The following TMEM132B variants were observed in gnomAD, a reference collection of about 807,000 sequenced individuals.
TMEM132B encodes transmembrane protein 132B.
In TMEM132B, 18 loss-of-function variants were observed where a neutral mutation model predicts 90.8. That is an observed-to-expected ratio of 0.20 (90% CI 0.14 to 0.29). TMEM132B has a LOEUF of 0.29. Among genes scored for constraint, TMEM132B ranks in the 10% least tolerant of loss-of-function variants. The pLI, the probability that TMEM132B is intolerant of heterozygous loss-of-function variation, is 1.00. For missense variants in TMEM132B, 1,096 were observed against 1,326.8 expected (o/e 0.83, Z 2.70); for synonymous variants, 504 against 523.3 (o/e 0.96, Z 0.50).
chr12:125,609,239 G>C (rs1885767819), intron 5 of TMEM132B, among the ~76,000 whole-genome samples: 1 of 152,094 alleles, frequency 6.6e-6, no homozygotes, highest in Admixed American at 6.5e-5. Flanking sequence ...AACCATATCA[G>C]ACCAAAAATG....
rs573158771 is a variant in TMEM132B at position 125,438,497 on chromosome 12, T to TA, written c.1106+22827dup. Among the ~76,000 whole-genome samples, 3 of 152,338 alleles carry TA rather than the reference T, an allele frequency of 2.0e-5. No individual in the cohort carries two copies. In the South Asian group the frequency reaches 6.2e-4, roughly 32 times the overall value. On this transcript the variant is annotated intron_variant, in intron 3 of 8. Coordinates refer to ENST00000682704, the MANE Select transcript of TMEM132B (RefSeq NM_001366854.1). ...AGGGACAAGTTGTTTTTCTTTTCTT[T>TA]AAAAAAAGTTAAGAGCTATTTCAAG...
chr12:125,383,979 C>T (rs1482658656), intron 2 of TMEM132B, among the ~76,000 whole-genome samples: 1 of 152,170 alleles, frequency 6.6e-6, no homozygotes, highest in African/African-American at 2.4e-5. Flanking sequence ...TGGAGTCTCA[C>T]TCCATCACCC....
At chr12:125,384,979 C>G (rs1000159876) in intron 2 of TMEM132B, among the ~76,000 whole-genome samples, 2 of 152,154 alleles carry the variant, frequency 1.3e-5, no homozygotes, top group Non-Finnish European at 2.9e-5. Flanking sequence ...CAACACCTCT[C>G]CTTTCCCCAT....
chr12:125,463,395 T>C (rs979234914), intron 3 of TMEM132B, among the ~76,000 whole-genome samples: 3 of 152,226 alleles, frequency 2.0e-5, no homozygotes, highest in Non-Finnish European at 2.9e-5. Flanking sequence ...TAGAATTTCT[T>C]CTCCCTAAGC....
intron 5 of TMEM132B, among the ~76,000 whole-genome samples, chr12:125,636,056 C>T (rs1886471656): frequency 6.6e-6 from 1 of 152,190 alleles, no homozygotes; most frequent in Middle Eastern, 3.4e-3. Context: ...TTCGAGACTC[C>T]CTTTTCTACC....
rs181909408 is a variant in TMEM132B at position 125,353,823 on chromosome 12, G to A, written c.959+3480G>A. Among the ~76,000 whole-genome samples, 1,145 of 152,320 alleles carry A rather than the reference G, an allele frequency of 7.5e-3. 7 individuals are homozygous for A. Among genetic ancestry groups the A allele is most frequent in the Non-Finnish European group, 0.011 (768 of 68,026 alleles). On this transcript the variant is annotated intron_variant, in intron 2 of 8. Transcript: ENST00000682704. ...GAAGAGGAGATTCATTTAGGGATGA[G>A]ACTAGAAGAGGACTCAACATCCAGA... is the stretch of plus-strand genomic sequence containing the variant.
chr12:125,355,166 G>T (rs898487322), intron 2 of TMEM132B, among the ~76,000 whole-genome samples: 1 of 152,064 alleles, frequency 6.6e-6, no homozygotes, highest in Non-Finnish European at 1.5e-5. Context: ...TTGATGGCCA[G>T]AGAAAAATGC....
intron 1 of TMEM132B, among the ~76,000 whole-genome samples, chr12:125,236,830 T>G (rs1321408652): frequency 1.3e-5 from 2 of 152,254 alleles, no homozygotes; most frequent in Non-Finnish European, 2.9e-5. Flanking sequence ...TTTCCGTATT[T>G]TCATGGTTGT....
chr12:125,546,090 C>CCA (rs1220370024), intron 4 of TMEM132B, among the ~76,000 whole-genome samples: 2 of 151,804 alleles, frequency 1.3e-5, no homozygotes, highest in African/African-American at 4.8e-5. Context: ...CAGAACATAC[C>CCA]CATCACCTCC....
intron 3 of TMEM132B, among the ~76,000 whole-genome samples, chr12:125,467,084 T>C (rs1021910309): frequency 6.6e-6 from 1 of 152,218 alleles, no homozygotes; most frequent in Non-Finnish European, 1.5e-5. Context: ...AGGCTTTTGT[T>C]GTACTGCTGG....
At position 125,349,564 on chromosome 12, in the gene TMEM132B, A is replaced by G. The variant is rs779095457; in HGVS notation, c.180A>G (p.Glu60=). The change falls in exon 2 of 9, where the codon GAA becomes GAG. Residue 60 remains glutamate (E), a synonymous_variant. Transcript: ENST00000682704. The surrounding 1 kb of genome is among the most constrained non-coding windows in gnomAD (Gnocchi z 4.1). ...CAGAGGAGTCCTTTTTCCTTAAAGA[A>G]GCCAACCAAGACCTCACAAGGAACT... The part of the protein sequence containing the change: ...SNAEESFFLK[E]ANQDLTRNSS... 45 of 1,614,010 alleles carry G rather than the reference A, an allele frequency of 2.8e-5. No homozygotes were observed. Among genetic ancestry groups the G allele is most frequent in the Admixed American group, 6.7e-5 (4 of 59,990 alleles).
chr12:125,576,248 ATAAT>A (rs775478393), intron 4 of TMEM132B, among the ~76,000 whole-genome samples: 139 of 152,190 alleles, frequency 9.1e-4, no homozygotes, highest in Admixed American at 1.6e-3. Flanking sequence ...TGTTATAAAG[ATAAT>A]TAGTTTCTTA....
chr12:125,586,759 AAAGTAT>A (rs1308826939), intron 5 of TMEM132B: 1 of 152,216 alleles, frequency 6.6e-6, no homozygotes, highest in Non-Finnish European at 1.5e-5. Flanking sequence ...AAATGACCCC[AAAGTAT>A]AAGAGTAGTG....
chr12:125,617,001 TC>T (rs1159071407), intron 5 of TMEM132B, among the ~76,000 whole-genome samples: 4 of 152,196 alleles, frequency 2.6e-5, no homozygotes, highest in Non-Finnish European at 5.9e-5. Flanking sequence ...ATCGTAGACT[TC>T]CCATCTTCCA....
At chr12:125,338,791 A>G (rs961793594) in intron 1 of TMEM132B, among the ~76,000 whole-genome samples, 4 of 151,990 alleles carry the variant, frequency 2.6e-5, no homozygotes, top group African/African-American at 9.7e-5. Context: ...TCCTCCCTCC[A>G]TTTCTCTTGA....
chr12:125,634,206 C>A (rs1223385367), intron 5 of TMEM132B, among the ~76,000 whole-genome samples: 2 of 152,166 alleles, frequency 1.3e-5, no homozygotes, highest in Non-Finnish European at 2.9e-5. Context: ...CCTGGGGCCA[C>A]CACCACCACA....
At chr12:125,442,501 G>A (rs995571626) in intron 3 of TMEM132B, among the ~76,000 whole-genome samples, 2 of 152,196 alleles carry the variant, frequency 1.3e-5, no homozygotes, top group Non-Finnish European at 2.9e-5. Flanking sequence ...CTGTGACTCA[G>A]TTTCTCATCT....
chr12:125,481,212 C>G (rs540504562), intron 3 of TMEM132B, among the ~76,000 whole-genome samples: 3 of 152,324 alleles, frequency 2.0e-5, no homozygotes, highest in African/African-American at 7.2e-5. Context: ...AGGATGCCCT[C>G]TTTCACCACT....
At chr12:125,191,527 C>G (rs577398800) in intron 1 of TMEM132B, among the ~76,000 whole-genome samples, 1 of 152,256 alleles carries the variant, frequency 6.6e-6, no homozygotes, top group South Asian at 2.1e-4. Flanking sequence ...ATGGTGTGGC[C>G]CGGCCTCTGA....
Sources: allele counts gnomAD v4.1 joint callset (sites outside exome capture counted in the v4.1 genomes callset), GRCh38; gene constraint gnomAD v4.1.1; non-coding constraint Gnocchi (gnomAD v3.1); transcripts MANE v1.5; gene names NCBI Gene and HGNC (gene_info 2026-07-23, HGNC 2026-07-21).